The following TMTC1 variants were observed in gnomAD, a reference collection of about 807,000 sequenced individuals.
The protein encoded by TMTC1 is protein O-mannosyl-transferase TMTC1.
In TMTC1, 73 loss-of-function variants were observed where a neutral mutation model predicts 104.8. That is an observed-to-expected ratio of 0.70 (90% CI 0.58 to 0.85). The LOEUF is 0.85. TMTC1 is among the 40% of genes least tolerant of loss of function. TMTC1 has a pLI of 0.00. For synonymous variants in TMTC1, 434 were observed against 428.7 expected, an observed-to-expected ratio of 1.01 and a Z score of -0.15; for missense variants, 1,035 against 1,096.1, an observed-to-expected ratio of 0.94 and a Z score of 0.79.
rs112562150 is a variant in TMTC1 at position 29,581,962 on chromosome 12, A to G, written c.1418+1445T>C. 6.4e-3 allele frequency among the ~76,000 whole-genome samples: 981 copies of G among 152,204 alleles called. 12 individuals carry two copies. The highest frequency in any genetic ancestry group is 0.022 in the African/African-American group (929 of 41,526). ...ACAGAATCTAAGAGTGATTTTGCAG[A>G]TCTGTGTGGAAAAAAAAAGATGCAT... On this transcript the variant is annotated intron_variant, in intron 8 of 17. Coordinates refer to ENST00000539277, the MANE Select transcript of TMTC1 (RefSeq NM_001193451.2).
At chr12:29,535,615 A>G (rs1944620704) in intron 11 of TMTC1, 1 of 152,360 alleles carries the variant, frequency 6.6e-6, no homozygotes, top group East Asian at 1.9e-4. Flanking sequence ...TGTCAACAAA[A>G]CTATATCATC....
intron 8 of TMTC1, among the ~76,000 whole-genome samples, chr12:29,572,720 C>A (rs918784694): frequency 6.6e-6 from 1 of 152,216 alleles, no homozygotes; most frequent in East Asian, 1.9e-4. Flanking sequence ...TAGGCCCTGC[C>A]GAGGCTAATT....
Position 29,506,042 on chromosome 12 carries a change from CAA to C in TMTC1, c.*802_*803del. 1 of 152,122 alleles carries C rather than the reference CAA, an allele frequency of 6.6e-6. No individual in the cohort carries two copies. The highest frequency in any genetic ancestry group is 6.5e-5 in the Admixed American group (1 of 15,292). The allele number at this position is 152,122 out of a possible 1,614,324, so 9.4% of individuals were successfully genotyped here. On this transcript the variant is annotated 3_prime_UTR_variant, in exon 18 of 18. Transcript: ENST00000539277. ...ACTATTTTTTTCTCCACCAAAATAACAATATATTTGCAGGCGGGAACATGTAT... is the reference window on the plus strand; with the variant it reads ...ACTATTTTTTTCTCCACCAAAATAACTATATTTGCAGGCGGGAACATGTAT...
intron 12 of TMTC1, chr12:29,519,611 G>A (rs1163608049): frequency 6.6e-6 from 1 of 152,138 alleles, no homozygotes; most frequent in Non-Finnish European, 1.5e-5. Flanking sequence ...TGTCTCTGGA[G>A]GCAGAGGCTC....
rs547935477 is a variant in TMTC1 at position 29,503,743 on chromosome 12, C to T, written c.*3103G>A. On this transcript the variant is annotated 3_prime_UTR_variant, in exon 18 of 18. Coordinates refer to ENST00000539277, the MANE Select transcript of TMTC1 (RefSeq NM_001193451.2). Reference sequence around the variant, plus strand: ...TCCTACCCAGGACCTGTTTGGGAACCCAGTGCAAAATGAAAGTGTGGACCT... The same window carrying T: ...TCCTACCCAGGACCTGTTTGGGAACTCAGTGCAAAATGAAAGTGTGGACCT... The T allele has an allele frequency of 6.6e-6, 1 of 152,224 alleles. No homozygotes were observed. Among genetic ancestry groups the T allele is most frequent in the Admixed American group, 6.5e-5 (1 of 15,274 alleles). The allele number at this position is 152,224 out of a possible 1,614,324, so 9.4% of individuals were successfully genotyped here.
intron 4 of TMTC1, among the ~76,000 whole-genome samples, chr12:29,754,040 T>C (rs1269774335): frequency 6.6e-6 from 1 of 152,220 alleles, no homozygotes; most frequent in East Asian, 1.9e-4. Context: ...CTAATTTTTG[T>C]ATTTTTAGTA....
chr12:29,571,707 T>C (rs1221760638), intron 9 of TMTC1, among the ~76,000 whole-genome samples: 1 of 151,860 alleles, frequency 6.6e-6, no homozygotes, highest in Non-Finnish European at 1.5e-5. Flanking sequence ...AATGTCTTCA[T>C]GGAAATAGTT....
intron 7 of TMTC1, among the ~76,000 whole-genome samples, chr12:29,592,487 T>C (rs1292465494): frequency 2.0e-5 from 3 of 152,240 alleles, no homozygotes; most frequent in Non-Finnish European, 2.9e-5. Context: ...TTTCTTCTGT[T>C]GTTTTCCAGC....
intron 6 of TMTC1, among the ~76,000 whole-genome samples, chr12:29,624,624 C>T (rs1028558166): frequency 4.6e-5 from 7 of 152,162 alleles, no homozygotes; most frequent in South Asian, 4.1e-4. Flanking sequence ...AATGCTCTTC[C>T]CCAAACAGCC....
chr12:29,680,803 A>G (rs537097650), intron 5 of TMTC1, among the ~76,000 whole-genome samples: 1 of 152,304 alleles, frequency 6.6e-6, no homozygotes, highest in South Asian at 2.1e-4. Context: ...TGAAACTGCC[A>G]GATGAGAAGT....
chr12:29,501,325 GA>G lies in TMTC1; in HGVS notation c.*5520del, dbSNP rs1700207432. On this transcript the variant is annotated 3_prime_UTR_variant, in exon 18 of 18. Transcript: ENST00000539277. ...CATTTAAAAAAGGGGCAACATTTATGAATTATCTCATCAGATGCATGGTGTT... is the reference window on the plus strand; with the variant it reads ...CATTTAAAAAAGGGGCAACATTTATGATTATCTCATCAGATGCATGGTGTT... 6.6e-6 allele frequency: 1 copy of G among 152,198 alleles called. No homozygotes were observed. The highest frequency in any genetic ancestry group is 6.5e-5 in the Admixed American group (1 of 15,284). The allele number at this position is 152,198 out of a possible 1,614,324, so 9.4% of individuals were successfully genotyped here.
At chr12:29,527,022 G>A (rs907795950) in intron 11 of TMTC1, among the ~76,000 whole-genome samples, 1 of 152,050 alleles carries the variant, frequency 6.6e-6, no homozygotes, top group African/African-American at 2.4e-5. Context: ...TGCTGCAGAA[G>A]GCCTCTGCAG....
intron 6 of TMTC1, 133 bp downstream of exon 6, chr12:29,633,014 C>T (rs748360897): frequency 5.7e-5 from 42 of 739,046 alleles, no homozygotes; most frequent in East Asian, 1.1e-4. Context: ...TGTTATTACC[C>T]GCTACAAAAA....
chr12:29,588,190 G>A (rs1225259839), intron 7 of TMTC1, among the ~76,000 whole-genome samples: 1 of 152,160 alleles, frequency 6.6e-6, no homozygotes, highest in Non-Finnish European at 1.5e-5. Flanking sequence ...CACAAGCACT[G>A]GATTTGATTG....
chr12:29,666,228 CTTTTTTTTTTTT>C, intron 5 of TMTC1: 2 of 365,804 alleles, frequency 5.5e-6, no homozygotes, highest in Non-Finnish European at 5.1e-6. Context: ...TTTCTTTTTT[CTTTTTTTTTTTT>C]TTTTGGAGAC....
chr12:29,746,324 T>C (rs1942954707), intron 5 of TMTC1, among the ~76,000 whole-genome samples: 1 of 152,126 alleles, frequency 6.6e-6, no homozygotes, highest in African/African-American at 2.4e-5. Context: ...ATATGATGTA[T>C]AAAGGGGAGA....
At chr12:29,634,177 C>G (rs1938435866) in intron 5 of TMTC1, among the ~76,000 whole-genome samples, 1 of 152,102 alleles carries the variant, frequency 6.6e-6, no homozygotes, top group Non-Finnish European at 1.5e-5. Flanking sequence ...TTGCTCTAGT[C>G]AACACGTTAC....
chr12:29,521,959 C>T lies in TMTC1; in HGVS notation c.1786-1239G>A, dbSNP rs115038200. On this transcript the variant is annotated intron_variant, in intron 11 of 17. Coordinates refer to ENST00000539277, the MANE Select transcript of TMTC1 (RefSeq NM_001193451.2). ...GTGAAATTAATTAATCAAAGGTTCC[C>T]AGATACTAAGACTTATTTACCCACA... 5.7e-3 allele frequency among the ~76,000 whole-genome samples: 837 copies of T among 146,886 alleles called. 10 individuals are homozygous for T. Among genetic ancestry groups the T allele is most frequent in the African/African-American group, 0.02 (799 of 39,464 alleles).
chr12:29,641,948 TG>T (rs1938872984), intron 5 of TMTC1, among the ~76,000 whole-genome samples: 1 of 152,138 alleles, frequency 6.6e-6, no homozygotes, highest in Admixed American at 6.6e-5. Context: ...TGAAATGCCT[TG>T]GAAGTTCTCA....
Sources: allele counts gnomAD v4.1 joint callset (sites outside exome capture counted in the v4.1 genomes callset), GRCh38; gene constraint gnomAD v4.1.1; transcripts MANE v1.5; gene names NCBI Gene and HGNC (gene_info 2026-07-23, HGNC 2026-07-21).